The following EYA4 variants were observed in gnomAD, a reference collection of about 807,000 sequenced individuals.
The protein encoded by EYA4 is protein phosphatase EYA4.
EYA4 carries 31 observed loss-of-function variants against 87.9 expected under a neutral mutation model. That is an observed-to-expected ratio of 0.35 (90% confidence interval 0.27 to 0.48). The LOEUF (loss-of-function observed/expected upper bound fraction) is 0.48. EYA4 is among the 20% of genes least tolerant of loss of function. The pLI, the probability that EYA4 is intolerant of heterozygous loss-of-function variation, is 0.99. For synonymous variants in EYA4, 263 were observed against 270.6 expected (o/e 0.97, Z 0.28); for missense variants, 678 against 761.4 (o/e 0.89, Z 1.29).
intron 11 of EYA4, among the ~76,000 whole-genome samples, chr6:133,475,644 A>T (rs894266197): frequency 6.6e-6 from 1 of 152,142 alleles, no homozygotes; most frequent in Non-Finnish European, 1.5e-5. Context: ...AAAGGACCAC[A>T]TTCAACTGCT....
At chr6:133,307,369 G>A (rs1779891031) in intron 2 of EYA4, among the ~76,000 whole-genome samples, 1 of 152,142 alleles carries the variant, frequency 6.6e-6, no homozygotes, top group Non-Finnish European at 1.5e-5. Flanking sequence ...AAAAGCTTCA[G>A]CAGAAATGCC....
intron 2 of EYA4, among the ~76,000 whole-genome samples, chr6:133,303,394 G>T (rs1478527891): frequency 6.6e-6 from 1 of 152,154 alleles, no homozygotes; most frequent in African/African-American, 2.4e-5. Flanking sequence ...CTTAACTAGA[G>T]AGGTTGTTCT....
chr6:133,256,179 C>G (rs1582761327), intron 1 of EYA4, among the ~76,000 whole-genome samples: 1 of 150,860 alleles, frequency 6.6e-6, no homozygotes, highest in Non-Finnish European at 1.5e-5. Context: ...ATAAATAATT[C>G]TATTAACGAT....
chr6:133,519,911 T>C (rs1265720374), intron 17 of EYA4, among the ~76,000 whole-genome samples: 2 of 151,614 alleles, frequency 1.3e-5, no homozygotes, highest in Admixed American at 6.6e-5. Flanking sequence ...ATTATCTCAA[T>C]AGATGCAGAA....
At chr6:133,327,601 A>C (rs913201936) in intron 2 of EYA4, among the ~76,000 whole-genome samples, 1 of 152,182 alleles carries the variant, frequency 6.6e-6, no homozygotes, top group Admixed American at 6.5e-5. Context: ...TCCCCGAGTA[A>C]CAAAGACATA....
chr6:133,389,417 A>G (rs1787063103), intron 3 of EYA4, among the ~76,000 whole-genome samples: 3 of 152,188 alleles, frequency 2.0e-5, no homozygotes, highest in African/African-American at 4.8e-5. Flanking sequence ...TCACCAGACT[A>G]TAAGCTCTAC....
chr6:133,531,259 G>A lies in EYA4; in HGVS notation c.*2454G>A. ...ATGCAAGGTTGACGGAGAACAGCTTGTCTGGCACAACAATGGTGCAGGCCC... is the reference window on the plus strand; with the variant it reads ...ATGCAAGGTTGACGGAGAACAGCTTATCTGGCACAACAATGGTGCAGGCCC... On this transcript the variant is annotated 3_prime_UTR_variant, in exon 20 of 20. Transcript: ENST00000355286. The A allele has an allele frequency of 6.7e-7, 1 of 1,496,686 alleles. No homozygotes were observed. 92.7% of individuals were successfully genotyped at this position (1,496,686 alleles called of 1,614,324 possible).
chr6:133,492,686 T>G (rs1045999700), intron 13 of EYA4, among the ~76,000 whole-genome samples: 3 of 152,136 alleles, frequency 2.0e-5, no homozygotes, highest in African/African-American at 4.8e-5. Flanking sequence ...GTAGATGATA[T>G]AATCTTATTT....
intron 11 of EYA4, among the ~76,000 whole-genome samples, chr6:133,476,888 C>G (rs553950738): frequency 6.6e-6 from 1 of 152,030 alleles, no homozygotes; most frequent in Non-Finnish European, 1.5e-5. Flanking sequence ...ATTGTAATCC[C>G]CCTAATGCCC....
intron 16 of EYA4, among the ~76,000 whole-genome samples, chr6:133,514,669 C>A (rs1042405181): frequency 6.6e-6 from 1 of 152,106 alleles, no homozygotes; most frequent in Admixed American, 6.6e-5. Context: ...AGAACTGGAT[C>A]TTTTAAAATA....
At chr6:133,375,749 A>C (rs1434142592) in intron 2 of EYA4, among the ~76,000 whole-genome samples, 1 of 151,904 alleles carries the variant, frequency 6.6e-6, no homozygotes, top group Non-Finnish European at 1.5e-5. Flanking sequence ...CTTTTAAATT[A>C]CATTATTTAA....
intron 3 of EYA4, among the ~76,000 whole-genome samples, chr6:133,427,964 CT>C (rs1452139312): frequency 6.6e-6 from 1 of 152,118 alleles, no homozygotes; most frequent in Non-Finnish European, 1.5e-5. Flanking sequence ...GGAGTGAACA[CT>C]TTGGAATCTA....
At chr6:133,357,207 C>G (rs1784124669) in intron 2 of EYA4, among the ~76,000 whole-genome samples, 2 of 135,458 alleles carry the variant, frequency 1.5e-5, no homozygotes, top group East Asian at 2.2e-4. Flanking sequence ...GGAGGCGGAG[C>G]TTGCAGTGAG....
Position 133,327,989 on chromosome 6 carries a change from A to T in EYA4, c.33+53176A>T, listed in dbSNP as rs111382333. ...TAAACTTTTAATAAAGCTCAGGATTATTTACATAACCAGTGTAATTCTCTG... is the reference window on the plus strand; with the variant it reads ...TAAACTTTTAATAAAGCTCAGGATTTTTTACATAACCAGTGTAATTCTCTG... On this transcript the variant is annotated intron_variant, in intron 2 of 19. Coordinates refer to ENST00000355286, the MANE Select transcript of EYA4 (RefSeq NM_004100.5). Among the ~76,000 whole-genome samples the T allele has an allele frequency of 5.7e-4, 87 of 152,294 alleles. No homozygotes were observed. The Middle Eastern group carries it at 0.014, about 24-fold the overall frequency.
intron 11 of EYA4, 148 bp downstream of exon 11, chr6:133,468,879 G>A: frequency 1.3e-6 from 1 of 787,746 alleles, no homozygotes; most frequent in Non-Finnish European, 2.1e-6. Context: ...TGTAAGACGA[G>A]GCTCTTCTGG....
chr6:133,350,292 G>C (rs1297489738), intron 2 of EYA4, among the ~76,000 whole-genome samples: 1 of 152,136 alleles, frequency 6.6e-6, no homozygotes, highest in Non-Finnish European at 1.5e-5. Context: ...TTGGAGGGGA[G>C]AGAAAGGTGA....
chr6:133,296,676 T>G (rs541719493), intron 2 of EYA4, among the ~76,000 whole-genome samples: 4 of 152,222 alleles, frequency 2.6e-5, no homozygotes, highest in South Asian at 2.1e-4. Flanking sequence ...AAGAGTTCAG[T>G]TTTTGTATGA....
chr6:133,484,170 G>C (rs3822936), intron 13 of EYA4, among the ~76,000 whole-genome samples: 14,017 of 152,150 alleles, frequency 0.092, 1,274 homozygotes, highest in African/African-American at 0.22. Flanking sequence ...ACTCTGTAGG[G>C]CTCATAATCA....
chr6:133,393,207 A>G (rs538165927), intron 3 of EYA4, among the ~76,000 whole-genome samples: 8 of 152,126 alleles, frequency 5.3e-5, no homozygotes, highest in African/African-American at 7.2e-5. Context: ...GGTCCACTTC[A>G]TGCTTGGCCA....
Sources: gnomAD v4.1 joint callset for allele counts (sites outside exome capture counted in the v4.1 genomes callset) on GRCh38, gnomAD v4.1.1 for gene constraint, MANE v1.5 for transcripts, NCBI Gene and HGNC (gene_info 2026-07-23, HGNC 2026-07-21) for gene names.